LRTM1: variants seen among roughly 807,000 people sequenced by gnomAD.
LRTM1 encodes the protein leucine rich repeat transmembrane protein 1, also known as leucine-rich repeat and transmembrane domain-containing protein 1.
In LRTM1, 38 loss-of-function variants were observed where a neutral mutation model predicts 32.4. The observed-to-expected ratio is 1.17, with a 90% CI of 0.91 to 1.54. The LOEUF (loss-of-function observed/expected upper bound fraction) is 1.54, where lower values mean the gene tolerates loss of function less well. LRTM1 is among the 40% of genes most tolerant of loss of function. The pLI, the probability that LRTM1 is intolerant of heterozygous loss-of-function variation, is 0.00. For missense variants in LRTM1, 466 were observed against 415.4 expected (o/e 1.12, Z -1.06); for synonymous variants, 186 against 169.9 (o/e 1.09, Z -0.74).
chr3:54,924,496 T>C (rs1700953157), intron 2 of LRTM1, 123 bp downstream of exon 2: 3 of 757,404 alleles, frequency 4.0e-6, no homozygotes, highest in African/African-American at 3.5e-5. Flanking sequence ...ATGGCACCGA[T>C]GTGTAAAAGC....
At chr3:54,942,894 C>T (rs996682801) in intron 1 of LRTM1, among the ~76,000 whole-genome samples, 4 of 151,994 alleles carry the variant, frequency 2.6e-5, no homozygotes, top group African/African-American at 9.7e-5. Context: ...CGCGGTGGCA[C>T]GTGCCTGTAG....
chr3:54,950,455 C>T (rs114789744), intron 1 of LRTM1, among the ~76,000 whole-genome samples: 3,137 of 152,264 alleles, frequency 0.021, 104 homozygotes, highest in African/African-American at 0.071. Flanking sequence ...CCTTCCTTCC[C>T]TCTTCATCTT....
intron 1 of LRTM1, among the ~76,000 whole-genome samples, chr3:54,966,119 C>T (rs912684983): frequency 2.6e-5 from 4 of 151,968 alleles, no homozygotes; most frequent in African/African-American, 9.7e-5. Context: ...ATGAGGGCTC[C>T]ATCAGAGAAC....
At chr3:54,920,551 G>A (rs1311559599) in intron 2 of LRTM1, among the ~76,000 whole-genome samples, 13 of 152,170 alleles carry the variant, frequency 8.5e-5, no homozygotes, top group Admixed American at 6.5e-4. Context: ...GTTCAGAGCA[G>A]CTGCTCCAGA....
intron 1 of LRTM1, among the ~76,000 whole-genome samples, chr3:54,957,110 A>G (rs1701916528): frequency 6.6e-6 from 1 of 152,192 alleles, no homozygotes; most frequent in South Asian, 2.1e-4. Context: ...GATTATTACT[A>G]CTGCTATGAT....
At chr3:54,943,326 G>A (rs1701525555) in intron 1 of LRTM1, among the ~76,000 whole-genome samples, 1 of 152,032 alleles carries the variant, frequency 6.6e-6, no homozygotes, top group East Asian at 1.9e-4. Context: ...CTCTCTTAGT[G>A]TCTCTGTTTC....
At chr3:54,951,098 C>A (rs1004467137) in intron 1 of LRTM1, among the ~76,000 whole-genome samples, 1 of 152,172 alleles carries the variant, frequency 6.6e-6, no homozygotes, top group Admixed American at 6.5e-5. Flanking sequence ...ACAGAACGCT[C>A]CAACTATAAT....
chr3:54,951,733 T>C (rs1194062999), intron 1 of LRTM1, among the ~76,000 whole-genome samples: 1 of 152,242 alleles, frequency 6.6e-6, no homozygotes, highest in Non-Finnish European at 1.5e-5. Flanking sequence ...GGAGAAAACA[T>C]CTTCTCCCTT....
chr3:54,949,992 T>C (rs952687935), intron 1 of LRTM1, among the ~76,000 whole-genome samples: 3 of 152,184 alleles, frequency 2.0e-5, no homozygotes, highest in Admixed American at 2.0e-4. Context: ...TAGTTTCCTT[T>C]AGGGGAAAAG....
Position 54,928,018 on chromosome 3 carries a change from T to C in LRTM1, c.-107A>G. ...ACTCAGAGCCCAGCTTTACATTCAG[T>C]CTTTCTGAACCCTGCCCTTGCTTTT... is the stretch of plus-strand genomic sequence containing the variant. On this transcript the variant is annotated 5_prime_UTR_variant, in exon 1 of 3. Coordinates refer to ENST00000273286, the MANE Select transcript of LRTM1 (RefSeq NM_020678.4). 9.6e-7 allele frequency: 1 copy of C among 1,045,362 alleles called. No individual in the cohort carries two copies. The allele number at this position is 1,045,362 out of a possible 1,614,324, so 64.8% of individuals were successfully genotyped here. A position where few individuals can be genotyped will look rare whatever the true frequency, so the allele number is the denominator to read the frequency against.
At chr3:54,961,405 C>G (rs1559646160) in intron 1 of LRTM1, among the ~76,000 whole-genome samples, 4 of 152,186 alleles carry the variant, frequency 2.6e-5, no homozygotes, top group Admixed American at 6.5e-5. Context: ...ATGGGAAATC[C>G]TTAGCAGGTA....
chr3:54,930,819 A>G (rs13319877), upstream of LRTM1, among the ~76,000 whole-genome samples: 8,781 of 152,242 alleles, frequency 0.058, 791 homozygotes, highest in African/African-American at 0.2. Flanking sequence ...ATCTTGGCCA[A>G]GCATGGTGGC....
At chr3:54,947,136 C>T (rs1701636018) in intron 1 of LRTM1, among the ~76,000 whole-genome samples, 2 of 152,296 alleles carry the variant, frequency 1.3e-5, no homozygotes, top group South Asian at 4.1e-4. Flanking sequence ...AGACACTGTG[C>T]TTGATCCAGT....
intron 2 of LRTM1, among the ~76,000 whole-genome samples, chr3:54,923,603 G>A (rs1700916562): frequency 6.6e-6 from 1 of 152,174 alleles, no homozygotes; most frequent in Non-Finnish European, 1.5e-5. Flanking sequence ...TGGAATCTCT[G>A]TGATGGTTAG....
At chr3:54,957,295 C>T (rs370047817) in intron 1 of LRTM1, among the ~76,000 whole-genome samples, 11 of 151,872 alleles carry the variant, frequency 7.2e-5, no homozygotes, top group African/African-American at 1.2e-4. Flanking sequence ...TATAGGTGTA[C>T]GCCACTGCAC....
At chr3:54,942,897 G>A (rs1701511067) in intron 1 of LRTM1, among the ~76,000 whole-genome samples, 1 of 152,100 alleles carries the variant, frequency 6.6e-6, no homozygotes, top group African/African-American at 2.4e-5. Context: ...GGTGGCACGT[G>A]CCTGTAGTCC....
chr3:54,918,321 C>CTTT lies in LRTM1; in HGVS notation c.*135_*137dup, dbSNP rs60257399. 3.7e-4 allele frequency: 146 copies of CTTT among 394,418 alleles called. No individual in the cohort carries two copies. The highest frequency in any genetic ancestry group is 3.6e-3 in the African/African-American group (123 of 34,130). The allele number at this position is 394,418 out of a possible 1,614,324, so 24.4% of individuals were successfully genotyped here. ...CCAGAAATATTTTTTACAGACACAT[C>CTTT]TTTTTTTTTTCTTTTTTTTTTTTTT... On this transcript the variant is annotated 3_prime_UTR_variant, in exon 3 of 3. Transcript: ENST00000273286.
intron 1 of LRTM1, among the ~76,000 whole-genome samples, chr3:54,946,959 C>A (rs900719470): frequency 6.6e-6 from 1 of 152,126 alleles, no homozygotes; most frequent in Non-Finnish European, 1.5e-5. Flanking sequence ...AATTAATCTG[C>A]CTGTGACCAT....
intron 1 of LRTM1, among the ~76,000 whole-genome samples, chr3:54,935,102 G>T (rs767440125): frequency 6.6e-6 from 1 of 152,186 alleles, no homozygotes; most frequent in Non-Finnish European, 1.5e-5. Context: ...AAGACTGCAC[G>T]TGATTTTGTT....
Sources: gnomAD v4.1 joint callset for allele counts (sites outside exome capture counted in the v4.1 genomes callset) on GRCh38, gnomAD v4.1.1 for gene constraint, MANE v1.5 for transcripts, NCBI Gene and HGNC (gene_info 2026-07-23, HGNC 2026-07-21) for gene names.